The following SGCZ variants were observed in gnomAD, a reference collection of about 807,000 sequenced individuals.
The protein encoded by SGCZ is zeta-sarcoglycan.
In SGCZ, 40 loss-of-function variants were observed where a neutral mutation model predicts 41.3. The observed-to-expected ratio is 0.97, with a 90% CI of 0.75 to 1.26. The LOEUF (loss-of-function observed/expected upper bound fraction) is 1.26, where lower values mean the gene tolerates loss of function less well. Ranked by LOEUF, SGCZ falls within the 50% of genes most tolerant of loss-of-function variation. The pLI, the probability that SGCZ is intolerant of heterozygous loss-of-function variation, is 0.00. For synonymous variants in SGCZ, 206 were observed against 137.5 expected (o/e 1.50, Z -3.49); for missense variants, 552 against 369.8 (o/e 1.49, Z -4.04).
chr8:14,566,719 G>T (rs1804375956), intron 1 of SGCZ, among the ~76,000 whole-genome samples: 1 of 152,366 alleles, frequency 6.6e-6, no homozygotes, highest in African/African-American at 2.4e-5. Flanking sequence ...GCCCACTCTG[G>T]CCGTACTTGA....
chr8:14,527,064 A>G (rs1461864), intron 2 of SGCZ, among the ~76,000 whole-genome samples: 137,326 of 149,358 alleles, frequency 0.92, 62,647 homozygotes, highest in Non-Finnish European at 0.97. Context: ...AAAAGATCCC[A>G]GCCCTCACTA....
chr8:15,019,855 A>G (rs1803186905), intron 1 of SGCZ, among the ~76,000 whole-genome samples: 1 of 148,464 alleles, frequency 6.7e-6, no homozygotes, highest in Non-Finnish European at 1.5e-5. Flanking sequence ...TCTGCTTCGG[A>G]CATACTAGAT....
At chr8:14,537,813 C>T (rs1223608349) in intron 2 of SGCZ, among the ~76,000 whole-genome samples, 1 of 151,894 alleles carries the variant, frequency 6.6e-6, no homozygotes, top group Non-Finnish European at 1.5e-5. Context: ...GTTATACTTT[C>T]TATAGAGAAG....
chr8:14,284,788 T>C (rs1293119776), intron 3 of SGCZ, among the ~76,000 whole-genome samples: 1 of 152,184 alleles, frequency 6.6e-6, no homozygotes, highest in Non-Finnish European at 1.5e-5. Flanking sequence ...ACTGTTGAAA[T>C]TGTTGTGTAC....
rs191216864 is a variant in SGCZ, at chr8:14,637,712, T to C, written c.40-82786A>G. ...GTACATATACCACATTTTCTTTATC[T>C]AACCCACTGTCAATGAGCACCACAG... On this transcript the variant is annotated intron_variant, in intron 1 of 7. Coordinates refer to ENST00000382080, the MANE Select transcript of SGCZ (RefSeq NM_139167.4). 1.8e-4 allele frequency among the ~76,000 whole-genome samples: 27 copies of C among 151,944 alleles called. No homozygotes were observed. The East Asian group carries it at 4.7e-3, about 26-fold the overall frequency.
chr8:15,206,420 T>C (rs1419207761), intron 1 of SGCZ, among the ~76,000 whole-genome samples: 3 of 149,722 alleles, frequency 2.0e-5, no homozygotes, highest in Admixed American at 1.3e-4. Flanking sequence ...AAAATAAAGA[T>C]AGGAAGGTAG....
At chr8:14,459,031 A>C (rs941137083) in intron 2 of SGCZ, among the ~76,000 whole-genome samples, 2 of 152,178 alleles carry the variant, frequency 1.3e-5, no homozygotes, top group African/African-American at 2.4e-5. Flanking sequence ...TCATCAGCAA[A>C]ATTAATAAAG....
intron 1 of SGCZ, among the ~76,000 whole-genome samples, chr8:15,131,656 G>A (rs969733496): frequency 4.6e-5 from 7 of 152,070 alleles, no homozygotes; most frequent in South Asian, 2.1e-4. Context: ...GTATGTTAGC[G>A]CGGCATCTTC....
intron 2 of SGCZ, among the ~76,000 whole-genome samples, chr8:14,463,575 G>T (rs1161456425): frequency 1.3e-5 from 2 of 151,572 alleles, no homozygotes; most frequent in Non-Finnish European, 1.5e-5. Flanking sequence ...CATGACACTG[G>T]ATTTGGTAAT....
intron 1 of SGCZ, among the ~76,000 whole-genome samples, chr8:14,762,643 GA>G (rs996705746): frequency 2.0e-5 from 3 of 151,982 alleles, no homozygotes; most frequent in African/African-American, 7.2e-5. Context: ...ATGACAACAT[GA>G]AAAAAATCTT....
At chr8:14,244,026 T>C (rs1252467967) in intron 3 of SGCZ, among the ~76,000 whole-genome samples, 1 of 152,192 alleles carries the variant, frequency 6.6e-6, no homozygotes, top group Non-Finnish European at 1.5e-5. Context: ...AATAAATGCA[T>C]GTTGAATGAA....
intron 2 of SGCZ, among the ~76,000 whole-genome samples, chr8:14,504,605 T>C (rs559373673): frequency 3.9e-4 from 59 of 152,326 alleles, no homozygotes; most frequent in Admixed American, 1.5e-3. Flanking sequence ...TTCTTTGTTT[T>C]TTCTGTTCTT....
chr8:14,180,565 A>AT (rs1804688886), intron 4 of SGCZ, among the ~76,000 whole-genome samples: 1 of 151,980 alleles, frequency 6.6e-6, no homozygotes, highest in Admixed American at 6.6e-5. Flanking sequence ...GAAAAAAAAA[A>AT]TGACCTGTTA....
chr8:14,831,752 G>GTA (rs1188284464), intron 1 of SGCZ, among the ~76,000 whole-genome samples: 1 of 101,700 alleles, frequency 9.8e-6, no homozygotes, highest in East Asian at 3.0e-4. Context: ...AGGAAGATCT[G>GTA]TATAAACATA....
intron 4 of SGCZ, among the ~76,000 whole-genome samples, chr8:14,222,081 A>G (rs569937310): frequency 6.6e-6 from 1 of 152,102 alleles, no homozygotes; most frequent in Non-Finnish European, 1.5e-5. Context: ...CTACTGTAAG[A>G]CTTCTTTAGA....
intron 5 of SGCZ, among the ~76,000 whole-genome samples, chr8:14,146,665 G>A (rs934106765): frequency 6.6e-6 from 1 of 151,900 alleles, no homozygotes; most frequent in Non-Finnish European, 1.5e-5. Flanking sequence ...GAGGTCAGGA[G>A]ATCGAGACCA....
At chr8:14,917,297 A>G (rs1037486073) in intron 1 of SGCZ, among the ~76,000 whole-genome samples, 2 of 77,054 alleles carry the variant, frequency 2.6e-5, no homozygotes, top group African/African-American at 1.2e-4. Context: ...GTAACAAGTT[A>G]GCCTATTTAA....
chr8:15,217,949 G>C (rs1188233566), intron 1 of SGCZ, among the ~76,000 whole-genome samples: 1 of 152,108 alleles, frequency 6.6e-6, no homozygotes, highest in Non-Finnish European at 1.5e-5. Context: ...TGCCAAACGG[G>C]GTGGCGTGTG....
intron 1 of SGCZ, among the ~76,000 whole-genome samples, chr8:14,692,788 A>T (rs1808840430): frequency 6.6e-6 from 1 of 152,236 alleles, no homozygotes; most frequent in South Asian, 2.1e-4. Flanking sequence ...AGTTAGTAAT[A>T]ATGGCAAATA....
Sources: allele counts gnomAD v4.1 joint callset (sites outside exome capture counted in the v4.1 genomes callset), GRCh38; gene constraint gnomAD v4.1.1; transcripts MANE v1.5; gene names NCBI Gene and HGNC (gene_info 2026-07-23, HGNC 2026-07-21).